Variants in RALGAPA1 observed in about 807,000 individuals in gnomAD.
The protein encoded by RALGAPA1 is Ral GTPase activating protein catalytic subunit alpha 1.
RALGAPA1 carries 52 observed loss-of-function variants against 269.6 expected under a neutral mutation model. The observed-to-expected ratio is 0.19, with a 90% CI of 0.15 to 0.24. The LOEUF is 0.24. RALGAPA1 is among the 10% of genes least tolerant of loss of function. RALGAPA1 has a pLI of 1.00. For missense variants in RALGAPA1, 1,917 were observed against 3,013.9 expected, an observed-to-expected ratio of 0.64 and a Z score of 8.52; for synonymous variants, 817 against 1,008.3, an observed-to-expected ratio of 0.81 and a Z score of 3.60.
intron 6 of RALGAPA1, among the ~76,000 whole-genome samples, chr14:35,757,706 A>T (rs754620205): frequency 6.6e-5 from 10 of 152,236 alleles, no homozygotes; most frequent in Non-Finnish European, 1.3e-4. Flanking sequence ...TCATTATAAC[A>T]AATGCAAATG....
intron 1 of RALGAPA1, among the ~76,000 whole-genome samples, chr14:35,793,271 CTTG>C (rs1240687372): frequency 1.3e-5 from 2 of 148,624 alleles, no homozygotes; most frequent in African/African-American, 5.0e-5. Flanking sequence ...GAATTTCACT[CTTG>C]TTGTCCAGGC....
At position 35,539,372 on chromosome 14, in the gene RALGAPA1, T is replaced by C. The variant is rs1187837319; in HGVS notation, c.*342A>G. The C allele has an allele frequency of 3.9e-6, 3 of 773,982 alleles. No individual in the cohort carries two copies. The African/African-American group carries it at 5.4e-5, about 14-fold the overall frequency. 47.9% of individuals were successfully genotyped at this position (773,982 alleles called of 1,614,324 possible). A position where few individuals can be genotyped will look rare whatever the true frequency, so the allele number is the denominator to read the frequency against. On this transcript the variant is annotated 3_prime_UTR_variant, in exon 42 of 42. Transcript: ENST00000680220. ...AAAATGAAACAATAAATAACTTAAA[T>C]CTTTAATATTAAGCTACAAATTATT... is the stretch of plus-strand genomic sequence containing the variant.
chr14:35,796,854 C>G (rs913132613), intron 1 of RALGAPA1, among the ~76,000 whole-genome samples: 1 of 151,848 alleles, frequency 6.6e-6, no homozygotes, highest in Non-Finnish European at 1.5e-5. Context: ...GATCTCGGAT[C>G]TTGGCTCACT....
chr14:35,743,444 G>A (rs1238732392), intron 10 of RALGAPA1, among the ~76,000 whole-genome samples: 1 of 152,122 alleles, frequency 6.6e-6, no homozygotes, highest in Non-Finnish European at 1.5e-5. Flanking sequence ...AAATAATTGA[G>A]CTCTTACAAA....
intron 39 of RALGAPA1, among the ~76,000 whole-genome samples, chr14:35,553,268 CAAG>C (rs1041153835): frequency 1.8e-4 from 28 of 152,254 alleles, no homozygotes; most frequent in African/African-American, 6.5e-4. Flanking sequence ...TATTCATGTG[CAAG>C]AACTCTTTGA....
At chr14:35,578,875 T>TA (rs2057757828) in intron 37 of RALGAPA1, among the ~76,000 whole-genome samples, 1 of 152,212 alleles carries the variant, frequency 6.6e-6, no homozygotes, top group Non-Finnish European at 1.5e-5. Context: ...GTGCTGGAGA[T>TA]ACAGCAGTAA....
In RALGAPA1 at chr14:35,570,631, T is replaced by C. The variant is rs770532177; in HGVS notation, c.7482A>G (p.Pro2494=). ...AAAAAGGATACAAGTTTTGATACAA[T>C]GGAATCAGAGATTTCAGAGCACGGC... ...NASRALKSLI[P]LYQNFYEERA... The change falls in exon 39 of 42, where the codon CCA becomes CCG. Residue 2494 remains proline, a synonymous_variant. Transcript: ENST00000680220. The C allele has an allele frequency of 1.1e-5, 18 of 1,604,238 alleles. No homozygotes were observed. Among genetic ancestry groups the C allele is most frequent in the East Asian group, 2.2e-5 (1 of 44,622 alleles).
intron 26 of RALGAPA1, among the ~76,000 whole-genome samples, chr14:35,666,366 G>C (rs1595051367): frequency 6.6e-6 from 1 of 152,044 alleles, no homozygotes; most frequent in South Asian, 2.1e-4. Context: ...AGGTACATGG[G>C]ATCTCTATCC....
At chr14:35,713,102 T>C (rs1481671577) in intron 16 of RALGAPA1, among the ~76,000 whole-genome samples, 1 of 152,218 alleles carries the variant, frequency 6.6e-6, no homozygotes, top group Non-Finnish European at 1.5e-5. Context: ...CAATTTGAAA[T>C]TATTCTCAAT....
At position 35,664,775 on chromosome 14, in the gene RALGAPA1, T is replaced by A. The variant is rs772042498; in HGVS notation, c.5203-8A>T. Reference sequence around the variant, plus strand: ...TGCTTCTACTCTTGGTGCCTATGTATCACATTTTTAAAAAGTTTAAAAATA... The same window carrying A: ...TGCTTCTACTCTTGGTGCCTATGTAACACATTTTTAAAAAGTTTAAAAATA... On this transcript the variant is annotated splice_polypyrimidine_tract_variant and splice_region_variant and intron_variant, in intron 26 of 41. Coordinates refer to ENST00000680220, the MANE Select transcript of RALGAPA1 (RefSeq NM_001346249.2). 2 of 1,600,378 alleles carry A rather than the reference T, an allele frequency of 1.2e-6. No individual in the cohort carries two copies. The highest frequency in any genetic ancestry group is 2.7e-5 in the African/African-American group (2 of 73,924).
intron 31 of RALGAPA1, among the ~76,000 whole-genome samples, chr14:35,649,792 G>T (rs2062691882): frequency 6.6e-6 from 1 of 151,702 alleles, no homozygotes; most frequent in Non-Finnish European, 1.5e-5. Context: ...TGCCTCATTT[G>T]TGTCTCTAAT....
chr14:35,674,340 T>C, intron 23 of RALGAPA1, 62 bp from the exon 24 acceptor site: 3 of 1,407,874 alleles, frequency 2.1e-6, no homozygotes, highest in South Asian at 1.3e-5. Context: ...CAGTTTACCT[T>C]AAACTGAATT....
chr14:35,616,072 C>T (rs1205768941), intron 35 of RALGAPA1, among the ~76,000 whole-genome samples: 8 of 151,768 alleles, frequency 5.3e-5, no homozygotes, highest in East Asian at 3.9e-4. Flanking sequence ...CAAGAAGAGA[C>T]AGAGTTGAGA....
chr14:35,598,407 A>T (rs904959075), intron 36 of RALGAPA1, among the ~76,000 whole-genome samples: 3 of 150,160 alleles, frequency 2.0e-5, no homozygotes, highest in African/African-American at 7.3e-5. Context: ...TGTTTTATAT[A>T]TATATATTTT....
At chr14:35,654,553 T>C in intron 29 of RALGAPA1, 76 bp from the exon 30 acceptor site, 1 of 1,438,772 alleles carries the variant, frequency 7.0e-7, no homozygotes. Flanking sequence ...TGAAAATTTT[T>C]ACATTTCATA....
chr14:35,634,818 A>G, intron 32 of RALGAPA1, 61 bp from the exon 33 acceptor site: 1 of 1,402,910 alleles, frequency 7.1e-7, no homozygotes, highest in Non-Finnish European at 9.4e-7. Flanking sequence ...AATAAAAGTT[A>G]AAGGAGGATA....
chr14:35,623,151 CAG>C (rs1219203717), intron 35 of RALGAPA1, among the ~76,000 whole-genome samples: 1 of 148,076 alleles, frequency 6.8e-6, no homozygotes, highest in Non-Finnish European at 1.5e-5. Context: ...GATTTCAAGA[CAG>C]AACTGTTTAA....
intron 24 of RALGAPA1, among the ~76,000 whole-genome samples, chr14:35,673,731 C>A (rs1004915718): frequency 6.6e-6 from 1 of 152,056 alleles, no homozygotes; most frequent in Non-Finnish European, 1.5e-5. Flanking sequence ...CAGGTGCCCA[C>A]CACCATGCCC....
chr14:35,771,087 C>T (rs892580076), intron 3 of RALGAPA1, 88 bp from the exon 4 acceptor site: 52 of 558,676 alleles, frequency 9.3e-5, no homozygotes, highest in African/African-American at 8.8e-4. Context: ...TTAAAGGGCT[C>T]ACTAAGTATA....
Sources: gnomAD v4.1 joint callset for allele counts (sites outside exome capture counted in the v4.1 genomes callset) on GRCh38, gnomAD v4.1.1 for gene constraint, MANE v1.5 for transcripts, NCBI Gene and HGNC (gene_info 2026-07-23, HGNC 2026-07-21) for gene names.